The following ATP2B2 variants were observed in gnomAD, a reference collection of about 807,000 sequenced individuals.
ATP2B2 encodes the protein ATPase plasma membrane Ca2+ transporting 2.
A neutral mutation model predicts 120.0 loss-of-function variants in ATP2B2; 15 were observed. The observed-to-expected ratio is 0.12, with a 90% CI of 0.08 to 0.19. ATP2B2 has a LOEUF of 0.19. Ranked by LOEUF, ATP2B2 falls within the 10% of genes least tolerant of loss-of-function variation. The pLI is 1.00. For missense variants in ATP2B2, 1,045 were observed against 1,719.8 expected (o/e 0.61, Z 6.94); for synonymous variants, 694 against 700.3 (o/e 0.99, Z 0.14).
intron 2 of ATP2B2, among the ~76,000 whole-genome samples, chr3:10,429,596 T>C (rs2063249828): frequency 6.6e-6 from 1 of 152,174 alleles, no homozygotes; most frequent in African/African-American, 2.4e-5. Flanking sequence ...GTTCCCTGTC[T>C]CTCCATCTCC....
At chr3:10,490,014 C>T (rs925676171) in intron 1 of ATP2B2, among the ~76,000 whole-genome samples, 3 of 152,234 alleles carry the variant, frequency 2.0e-5, no homozygotes, top group African/African-American at 7.2e-5. Context: ...GAGCACCCCT[C>T]CCTGGTCCCC....
chr3:10,549,527 T>C (rs1182039541), intron 2 of ATP2B2, among the ~76,000 whole-genome samples: 1 of 152,228 alleles, frequency 6.6e-6, no homozygotes, highest in Non-Finnish European at 1.5e-5. Flanking sequence ...TGCTGAACAT[T>C]GGAAAGTGAG....
chr3:10,555,378 T>C (rs1054094192), intron 2 of ATP2B2, among the ~76,000 whole-genome samples: 3 of 152,242 alleles, frequency 2.0e-5, no homozygotes, highest in Non-Finnish European at 4.4e-5. Flanking sequence ...ACACCTATTA[T>C]GCTTCTGTCT....
intron 1 of ATP2B2, among the ~76,000 whole-genome samples, chr3:10,498,060 T>C (rs1178572442): frequency 6.6e-6 from 1 of 152,252 alleles, no homozygotes; most frequent in Non-Finnish European, 1.5e-5. Context: ...ATAAAAGGCA[T>C]GGCTGGTTCC....
chr3:10,378,043 G>C (rs1008209913), intron 10 of ATP2B2, among the ~76,000 whole-genome samples: 1 of 152,252 alleles, frequency 6.6e-6, no homozygotes, highest in Non-Finnish European at 1.5e-5. Flanking sequence ...ATTTGCTCGA[G>C]CTTCACTCTT....
chr3:10,647,532 G>A (rs2070351931), intron 1 of ATP2B2, among the ~76,000 whole-genome samples: 1 of 152,196 alleles, frequency 6.6e-6, no homozygotes, highest in Non-Finnish European at 1.5e-5. Context: ...ACTGCTGTGG[G>A]GAAGTGGGGA....
chr3:10,344,789 C>G (rs539124394), intron 18 of ATP2B2, among the ~76,000 whole-genome samples: 2 of 152,336 alleles, frequency 1.3e-5, no homozygotes, highest in South Asian at 4.1e-4. Context: ...AGTCAGTCTG[C>G]AGACATCTGG....
At chr3:10,617,629 A>G (rs1018992765) in intron 2 of ATP2B2, among the ~76,000 whole-genome samples, 21 of 152,212 alleles carry the variant, frequency 1.4e-4, no homozygotes, top group African/African-American at 4.6e-4. Context: ...CAGGATTAAA[A>G]TTCAGTTTTG....
At chr3:10,599,595 C>A (rs886531661) in intron 2 of ATP2B2, among the ~76,000 whole-genome samples, 2 of 152,100 alleles carry the variant, frequency 1.3e-5, no homozygotes, top group African/African-American at 4.8e-5. Context: ...GCTCAGGGAA[C>A]CTCTCCCAAC....
intron 2 of ATP2B2, among the ~76,000 whole-genome samples, chr3:10,617,660 G>C (rs554451344): frequency 1.4e-4 from 22 of 152,330 alleles, no homozygotes; most frequent in Admixed American, 8.5e-4. Context: ...AAGACCAAGG[G>C]CTTAGCCGTT....
At chr3:10,557,179 C>T (rs1012816710) in intron 2 of ATP2B2, among the ~76,000 whole-genome samples, 1 of 152,220 alleles carries the variant, frequency 6.6e-6, no homozygotes, top group Non-Finnish European at 1.5e-5. Flanking sequence ...AAATATGCAG[C>T]TTGGGCCCTG....
intron 2 of ATP2B2, chr3:10,566,403 T>C (rs1173769437): frequency 6.6e-6 from 1 of 152,170 alleles, no homozygotes; most frequent in Non-Finnish European, 1.5e-5. Context: ...TTCTTTATCT[T>C]CCAAGAAAAT....
intron 1 of ATP2B2, among the ~76,000 whole-genome samples, chr3:10,671,648 GTC>G (rs2071100211): frequency 6.6e-6 from 1 of 152,132 alleles, no homozygotes. Flanking sequence ...CAGTCTCAAG[GTC>G]TCTTCTTGTT....
chr3:10,472,221 G>A (rs1408989105), intron 1 of ATP2B2, among the ~76,000 whole-genome samples: 4 of 150,356 alleles, frequency 2.7e-5, no homozygotes, highest in East Asian at 4.0e-4. Context: ...CGGGAGGCCC[G>A]GAGGAAAGAG....
At chr3:10,415,017 C>T (rs1471742741) in intron 2 of ATP2B2, among the ~76,000 whole-genome samples, 2 of 152,142 alleles carry the variant, frequency 1.3e-5, no homozygotes, top group Admixed American at 1.3e-4. Flanking sequence ...GTCATGACGT[C>T]TCGCTCACTC....
At chr3:10,368,512 A>T (rs2061131940) in intron 12 of ATP2B2, among the ~76,000 whole-genome samples, 1 of 151,508 alleles carries the variant, frequency 6.6e-6, no homozygotes, top group Non-Finnish European at 1.5e-5. Flanking sequence ...CCATCAAGCA[A>T]TCAACACATC....
chr3:10,492,020 G>A (rs2065951800), intron 1 of ATP2B2, among the ~76,000 whole-genome samples: 1 of 152,222 alleles, frequency 6.6e-6, no homozygotes, highest in Non-Finnish European at 1.5e-5. Context: ...GGGATGTGAG[G>A]AGAGGAAAAT....
chr3:10,377,256 T>C (rs553870288), intron 10 of ATP2B2, among the ~76,000 whole-genome samples: 13 of 152,052 alleles, frequency 8.5e-5, no homozygotes, highest in African/African-American at 9.7e-5. Flanking sequence ...CCTGGGCCCA[T>C]AGCTCTCCAC....
intron 2 of ATP2B2, among the ~76,000 whole-genome samples, chr3:10,417,533 C>A (rs557785668): frequency 6.6e-6 from 1 of 152,334 alleles, no homozygotes; most frequent in South Asian, 2.1e-4. Flanking sequence ...ATCCTCCTAT[C>A]TTAAGGAGGT....
Sources: allele counts gnomAD v4.1 joint callset (sites outside exome capture counted in the v4.1 genomes callset), GRCh38; gene constraint gnomAD v4.1.1; transcripts MANE v1.5; gene names NCBI Gene and HGNC (gene_info 2026-07-23, HGNC 2026-07-21).